PARP8: variants seen among roughly 807,000 people sequenced by gnomAD.
PARP8 encodes the protein poly(ADP-ribose) polymerase family member 8, also known as protein mono-ADP-ribosyltransferase PARP8.
Under a neutral mutation model 124.1 loss-of-function variants are expected in PARP8, and 51 were observed. The observed-to-expected ratio is 0.41, with a 90% CI of 0.33 to 0.52. The LOEUF is 0.52. PARP8 is among the 20% of genes least tolerant of loss of function. PARP8 has a pLI of 0.21. For missense variants in PARP8, 860 were observed against 1,018.9 expected (o/e 0.84, Z 2.12); for synonymous variants, 391 against 361.5 (o/e 1.08, Z -0.93).
chr5:50,687,409 A>G (rs6872889), intron 2 of PARP8, among the ~76,000 whole-genome samples: 3,557 of 152,268 alleles, frequency 0.023, 140 homozygotes, highest in African/African-American at 0.082. Flanking sequence ...GTCTCTAGGA[A>G]GTTCCAAACT....
intron 17 of PARP8, among the ~76,000 whole-genome samples, chr5:50,822,816 CA>C (rs1745911696): frequency 6.6e-6 from 1 of 152,056 alleles, no homozygotes; most frequent in African/African-American, 2.4e-5. Flanking sequence ...TGCAAAATCC[CA>C]AAACCACTTT....
At chr5:50,738,125 GA>G (rs1183126382) in intron 2 of PARP8, among the ~76,000 whole-genome samples, 2 of 152,108 alleles carry the variant, frequency 1.3e-5, no homozygotes, top group Non-Finnish European at 2.9e-5. Flanking sequence ...AAAGAAACAA[GA>G]AAAGCAGTGG....
At chr5:50,793,882 G>A (rs1333346337) in intron 10 of PARP8, among the ~76,000 whole-genome samples, 1 of 151,984 alleles carries the variant, frequency 6.6e-6, no homozygotes, top group African/African-American at 2.4e-5. Flanking sequence ...TGTTGATCCT[G>A]AAGGCCGTCT....
intron 2 of PARP8, among the ~76,000 whole-genome samples, chr5:50,712,819 CAGG>C (rs1754905776): frequency 1.3e-5 from 2 of 148,992 alleles, no homozygotes; most frequent in South Asian, 4.2e-4. Flanking sequence ...CTGTTTAAAA[CAGG>C]AAAGAAGGAG....
rs890666959 is a variant in PARP8, at chr5:50,844,290, TTTG to T, written c.*2225_*2227del. 1.1e-4 allele frequency: 17 copies of T among 151,824 alleles called. No individual in the cohort carries two copies. Among genetic ancestry groups the T allele is most frequent in the Admixed American group, 4.0e-4 (6 of 15,182 alleles). 9.4% of individuals were successfully genotyped at this position (151,824 alleles called of 1,614,324 possible). A position where few individuals can be genotyped will look rare whatever the true frequency, so the allele number is the denominator to read the frequency against. On this transcript the variant is annotated 3_prime_UTR_variant, in exon 26 of 26. Coordinates refer to ENST00000281631, the MANE Select transcript of PARP8 (RefSeq NM_024615.4). ...TGTATCATGATACAGAATGACAGAT[TTTG>T]TTTCAAACAATTGCGTCAGAACCTT...
intron 14 of PARP8, among the ~76,000 whole-genome samples, chr5:50,802,581 T>G (rs1743353253): frequency 6.6e-6 from 1 of 152,174 alleles, no homozygotes; most frequent in Non-Finnish European, 1.5e-5. Flanking sequence ...TCTCCCGAAG[T>G]ACTGAGATTA....
intron 2 of PARP8, among the ~76,000 whole-genome samples, chr5:50,678,389 A>G (rs1750880295): frequency 6.6e-6 from 1 of 152,168 alleles, no homozygotes; most frequent in Non-Finnish European, 1.5e-5. Context: ...TGAAACTCAT[A>G]CTACAATTGC....
At chr5:50,826,353 A>G (rs1207754383) in intron 18 of PARP8, among the ~76,000 whole-genome samples, 3 of 152,142 alleles carry the variant, frequency 2.0e-5, no homozygotes, top group Non-Finnish European at 4.4e-5. Context: ...CTTCATAAGA[A>G]CTTATCCTTA....
chr5:50,799,780 G>A (rs1472889946), intron 14 of PARP8, among the ~76,000 whole-genome samples: 1 of 152,144 alleles, frequency 6.6e-6, no homozygotes, highest in Non-Finnish European at 1.5e-5. Flanking sequence ...GTGCCCTCAT[G>A]AACAGGAATA....
At chr5:50,687,997 G>A (rs1336927685) in intron 2 of PARP8, among the ~76,000 whole-genome samples, 3 of 152,144 alleles carry the variant, frequency 2.0e-5, no homozygotes, top group African/African-American at 7.2e-5. Context: ...GACTACAGAT[G>A]TGTGCCACCA....
At chr5:50,793,821 A>T (rs1742229609) in intron 10 of PARP8, among the ~76,000 whole-genome samples, 1 of 152,016 alleles carries the variant, frequency 6.6e-6, no homozygotes, top group Admixed American at 6.6e-5. Flanking sequence ...TTAAAAGTTG[A>T]TTTTCTAGCA....
rs766809673 is a variant in PARP8 at position 50,667,086 on chromosome 5, G to A, written c.-10G>A. 1.9e-6 allele frequency: 3 copies of A among 1,596,266 alleles called. No individual in the cohort carries two copies. Among genetic ancestry groups the A allele is most frequent in the Non-Finnish European group, 2.5e-6 (3 of 1,179,704 alleles). ...AAATAGCGGCTGCTTCTTTTCCAGG[G>A]ATTTATTTAATGGGGATGTGTTCAA... On this transcript the variant is annotated 5_prime_UTR_variant, in exon 1 of 26. Coordinates refer to ENST00000281631, the MANE Select transcript of PARP8 (RefSeq NM_024615.4).
At chr5:50,785,916 T>C (rs974380932) in intron 9 of PARP8, among the ~76,000 whole-genome samples, 1 of 152,166 alleles carries the variant, frequency 6.6e-6, no homozygotes, top group African/African-American at 2.4e-5. Context: ...CATCTTTTCA[T>C]TTGCACACTA....
chr5:50,797,078 C>T lies in PARP8; in HGVS notation c.1479+46C>T, dbSNP rs573563927. 7.8e-5 allele frequency: 125 copies of T among 1,609,002 alleles called. 3 individuals are homozygous for T. The highest frequency in any genetic ancestry group is 5.0e-4 in the Middle Eastern group (3 of 6,042). ...CATTGTACAAATATTTTAGTTCTTA[C>T]GGGGTTTTTAAATCATTTATGAGCT... On this transcript the variant is annotated intron_variant, in intron 13 of 25. Coordinates refer to ENST00000281631, the MANE Select transcript of PARP8 (RefSeq NM_024615.4).
At chr5:50,677,279 T>G (rs1750738741) in intron 2 of PARP8, among the ~76,000 whole-genome samples, 1 of 150,436 alleles carries the variant, frequency 6.6e-6, no homozygotes, top group Non-Finnish European at 1.5e-5. Context: ...GCAGTCATCA[T>G]TTCTCATTAA....
chr5:50,776,919 C>T (rs1740095590), intron 7 of PARP8, among the ~76,000 whole-genome samples: 1 of 152,140 alleles, frequency 6.6e-6, no homozygotes, highest in African/African-American at 2.4e-5. Flanking sequence ...TTCCTGACTT[C>T]CCCACTAACT....
intron 9 of PARP8, among the ~76,000 whole-genome samples, chr5:50,786,413 G>A (rs1741250844): frequency 6.8e-6 from 1 of 147,980 alleles, no homozygotes; most frequent in African/African-American, 2.5e-5. Flanking sequence ...TTCCCAGGCT[G>A]TAGTAGAGTG....
intron 9 of PARP8, among the ~76,000 whole-genome samples, chr5:50,787,356 A>G: frequency 6.6e-6 from 1 of 151,924 alleles, no homozygotes; most frequent in East Asian, 1.9e-4. Context: ...TCCTCTCCCT[A>G]CACTGTTCTC....
In PARP8 at chr5:50,774,304, G is replaced by A. The variant is rs533833469; in HGVS notation, c.519-3765G>A. On this transcript the variant is annotated intron_variant, in intron 7 of 25. Transcript: ENST00000281631. Reference sequence around the variant, plus strand: ...CCCCACATTTCCTCCTTTTCTTTTCGACAAAACCACCATCGTCATCATGGC... The same window carrying A: ...CCCCACATTTCCTCCTTTTCTTTTCAACAAAACCACCATCGTCATCATGGC... 9.2e-5 allele frequency among the ~76,000 whole-genome samples: 14 copies of A among 151,588 alleles called. No homozygotes were observed. In the South Asian group the frequency reaches 2.7e-3, roughly 29 times the overall value.
Sources: gnomAD v4.1 joint callset for allele counts (sites outside exome capture counted in the v4.1 genomes callset) on GRCh38, gnomAD v4.1.1 for gene constraint, MANE v1.5 for transcripts, NCBI Gene and HGNC (gene_info 2026-07-23, HGNC 2026-07-21) for gene names.